SH3TC1: variants seen among roughly 807,000 people sequenced by gnomAD.
The protein encoded by SH3TC1 is SH3 domain and tetratricopeptide repeats 1.
A neutral mutation model predicts 117.3 loss-of-function variants in SH3TC1; 135 were observed. That is an observed-to-expected ratio of 1.15 (90% confidence interval 1.00 to 1.33). SH3TC1 has a LOEUF of 1.33. SH3TC1 is among the 40% of genes most tolerant of loss of function. The probability of loss-of-function intolerance (pLI) is 0.00; values close to 1 mark genes in which losing one functional copy is unlikely to be tolerated. For missense variants in SH3TC1, 2,092 were observed against 1,794.3 expected (o/e 1.17, Z -3.00); for synonymous variants, 898 against 816.9 (o/e 1.10, Z -1.69).
intron 9 of SH3TC1, among the ~76,000 whole-genome samples, chr4:8,221,853 T>G (rs983627676): frequency 3.1e-4 from 47 of 152,318 alleles, no homozygotes; most frequent in African/African-American, 9.1e-4. Context: ...ATGTCTTGCC[T>G]CCTTAATGTG....
rs3775907 is a variant in SH3TC1, at chr4:8,226,735, T to C, written c.1286-245T>C. 4.6e-5 allele frequency among the ~76,000 whole-genome samples: 7 copies of C among 152,178 alleles called. No individual in the cohort carries two copies. The East Asian group carries it at 9.6e-4, about 21-fold the overall frequency. ...AAAGGAGGACAGGAGGGTGATTTCATAGGAGAGTTGGGCCATGGGCCTGTG... is the reference window on the plus strand; with the variant it reads ...AAAGGAGGACAGGAGGGTGATTTCACAGGAGAGTTGGGCCATGGGCCTGTG... On this transcript the variant is annotated intron_variant, in intron 11 of 17. Coordinates refer to ENST00000245105, the MANE Select transcript of SH3TC1 (RefSeq NM_018986.5).
At chr4:8,238,079 T>A (rs1028204020) in intron 17 of SH3TC1, among the ~76,000 whole-genome samples, 6 of 152,140 alleles carry the variant, frequency 3.9e-5, no homozygotes, top group Admixed American at 3.3e-4. Flanking sequence ...GAATCCATGT[T>A]GCAACATCCA....
intron 13 of SH3TC1, chr4:8,232,654 T>G: frequency 2.3e-6 from 3 of 1,295,424 alleles, no homozygotes; most frequent in Non-Finnish European, 3.0e-6. Flanking sequence ...TTGGCTCTCC[T>G]GGAGCATCCT....
At chr4:8,195,339 G>C (rs368798500), upstream of SH3TC1, among the ~76,000 whole-genome samples, 74 of 152,240 alleles carry the variant, frequency 4.9e-4, no homozygotes, top group South Asian at 0.014. Context: ...ATTGAAGCCT[G>C]AGCTGGGGTT....
rs986918990 is a variant in SH3TC1 at position 8,225,359 on chromosome 4, G to T, written c.1285+143G>T. 1.1e-6 allele frequency: 1 copy of T among 902,302 alleles called. No individual in the cohort carries two copies. Among genetic ancestry groups the T allele is most frequent in the African/African-American group, 1.6e-5 (1 of 60,728 alleles). The allele number at this position is 902,302 out of a possible 1,614,324, so 55.9% of individuals were successfully genotyped here. The stretch of plus-strand genomic sequence containing the variant: ...GGTGTGGGCTGGGGGCTTGGGGGAG[G>T]TTGCCTGAGGTGGGCCTGAACCTCC... On this transcript the variant is annotated intron_variant, in intron 11 of 17. Coordinates refer to ENST00000245105, the MANE Select transcript of SH3TC1 (RefSeq NM_018986.5). This position sits in a 1 kb window ranked among gnomAD's most constrained non-coding sequence, Gnocchi z 5.5.
intron 17 of SH3TC1, 66 bp downstream of exon 17, chr4:8,237,736 C>A: frequency 6.7e-7 from 1 of 1,484,164 alleles, no homozygotes; most frequent in Non-Finnish European, 9.1e-7. Flanking sequence ...CCACCCAGAC[C>A]CCTGAGGCAT....
At chr4:8,235,396 A>C in intron 14 of SH3TC1, 37 bp from the exon 15 acceptor site, 2 of 1,440,182 alleles carry the variant, frequency 1.4e-6, no homozygotes, top group African/African-American at 2.9e-5. Context: ...CCACCTCACC[A>C]GGTGTGGGTC....
chr4:8,221,412 A>G (rs1719908412), intron 9 of SH3TC1, among the ~76,000 whole-genome samples: 1 of 151,050 alleles, frequency 6.6e-6, no homozygotes, highest in South Asian at 2.1e-4. Flanking sequence ...CGGGGTTTTC[A>G]TCTTTTATTT....
upstream of SH3TC1, among the ~76,000 whole-genome samples, chr4:8,196,266 A>G (rs1399067031): frequency 6.6e-6 from 1 of 152,162 alleles, no homozygotes; most frequent in Non-Finnish European, 1.5e-5. This position sits in a 1 kb window ranked among gnomAD's most constrained non-coding sequence, Gnocchi z 4.6. Flanking sequence ...TGACCACTCC[A>G]TGAGGTTGTG....
chr4:8,207,414 G>A (rs1324360954), intron 2 of SH3TC1, among the ~76,000 whole-genome samples: 1 of 152,162 alleles, frequency 6.6e-6, no homozygotes, highest in African/African-American at 2.4e-5. Flanking sequence ...AAGTAGCTGG[G>A]GGGACAACAC....
In SH3TC1 at chr4:8,206,512, T is replaced by G. The variant is rs1718223449; in HGVS notation, c.172+1146T>G. On this transcript the variant is annotated intron_variant, in intron 2 of 17. Coordinates refer to ENST00000245105, the MANE Select transcript of SH3TC1 (RefSeq NM_018986.5). The surrounding 1 kb of genome is among the most constrained non-coding windows in gnomAD (Gnocchi z 5.5). Reference sequence around the variant, plus strand: ...AGCTGGGAGCCTCTGGGAAGGGGAGTGGTAGGAGTTGGAAGCCTTTGCCCT... The same window carrying G: ...AGCTGGGAGCCTCTGGGAAGGGGAGGGGTAGGAGTTGGAAGCCTTTGCCCT... 6.6e-6 allele frequency among the ~76,000 whole-genome samples: 1 copy of G among 151,188 alleles called. No individual in the cohort carries two copies. The highest frequency in any genetic ancestry group is 6.6e-5 in the Admixed American group (1 of 15,196).
chr4:8,226,871 A>G, intron 11 of SH3TC1, 109 bp from the exon 12 acceptor site: 1 of 731,832 alleles, frequency 1.4e-6, no homozygotes, highest in Middle Eastern at 3.5e-4. Context: ...ATCGTCTGGA[A>G]AGTGCTGCGC....
Position 8,205,193 on chromosome 4 carries a change from T to A in SH3TC1, c.-2T>A. 6.6e-7 allele frequency: 1 copy of A among 1,523,980 alleles called. No individual in the cohort carries two copies. Among genetic ancestry groups the A allele is most frequent in the South Asian group, 1.3e-5 (1 of 79,764 alleles). 94.4% of individuals were successfully genotyped at this position (1,523,980 alleles called of 1,614,324 possible). Reference sequence around the variant, plus strand: ...GCCAGGCATGTGAGGTCTCTGCGGGTCATGGAGAACCTCCCTGCCGTGACC... The same window carrying A: ...GCCAGGCATGTGAGGTCTCTGCGGGACATGGAGAACCTCCCTGCCGTGACC... On this transcript the variant is annotated 5_prime_UTR_variant, in exon 2 of 18. Transcript: ENST00000245105. This position sits in a 1 kb window ranked among gnomAD's most constrained non-coding sequence, Gnocchi z 5.4.
intron 1 of SH3TC1, among the ~76,000 whole-genome samples, chr4:8,187,284 C>T (rs1717246668): frequency 6.6e-6 from 1 of 150,844 alleles, no homozygotes; most frequent in Admixed American, 6.6e-5. Context: ...CTGCTATCAA[C>T]AGGCTTTGTC....
At chr4:8,207,370 C>T (rs1435441077) in intron 2 of SH3TC1, among the ~76,000 whole-genome samples, 1 of 152,244 alleles carries the variant, frequency 6.6e-6, no homozygotes, top group Non-Finnish European at 1.5e-5. Flanking sequence ...GTTCTCCCCA[C>T]TGCACAGTTA....
rs892682562 is a variant in SH3TC1, at chr4:8,205,383, C to T, written c.172+17C>T. 1 of 1,536,070 alleles carries T rather than the reference C, an allele frequency of 6.5e-7. No homozygotes were observed. Among genetic ancestry groups the T allele is most frequent in the East Asian group, 2.5e-5 (1 of 40,790 alleles). ...TGAGAGGCGGTGAGTTCATTCCACC[C>T]TCACCACCCGCCCTCCATCCCACCC... On this transcript the variant is annotated intron_variant, in intron 2 of 17. Coordinates refer to ENST00000245105, the MANE Select transcript of SH3TC1 (RefSeq NM_018986.5). The surrounding 1 kb of genome is among the most constrained non-coding windows in gnomAD (Gnocchi z 5.4).
intron 1 of SH3TC1, among the ~76,000 whole-genome samples, chr4:8,200,476 A>G (rs1471848237): frequency 6.6e-6 from 1 of 152,190 alleles, no homozygotes; most frequent in Non-Finnish European, 1.5e-5. Flanking sequence ...AGCACCCTGG[A>G]TGGCCATAAT....
At position 8,217,114 on chromosome 4, in the gene SH3TC1, C is replaced by T; in HGVS notation, c.786C>T (p.Ser262=). 6.2e-7 allele frequency: 1 copy of T among 1,613,794 alleles called. No homozygotes were observed. The change falls in exon 7 of 18, where the codon TCC becomes TCT. Residue 262 remains serine, a synonymous_variant. Coordinates refer to ENST00000245105, the MANE Select transcript of SH3TC1 (RefSeq NM_018986.5). ...CTTCACCGCCGAGCCCCAGCGTGTC[C>T]TCCGAGGAGGTGGCAGTGGCGGCCG... The part of the protein sequence containing the change: ...TDSSPPSPSV[S]SEEVAVAAAP...
chr4:8,221,358 T>C (rs1233355126), intron 9 of SH3TC1, among the ~76,000 whole-genome samples: 2 of 152,254 alleles, frequency 1.3e-5, no homozygotes, highest in African/African-American at 2.4e-5. Context: ...ACTTCTCTCA[T>C]TCACTCAACA....
Sources: allele counts gnomAD v4.1 joint callset (sites outside exome capture counted in the v4.1 genomes callset), GRCh38; gene constraint gnomAD v4.1.1; non-coding constraint Gnocchi (gnomAD v3.1); transcripts MANE v1.5; gene names NCBI Gene and HGNC (gene_info 2026-07-23, HGNC 2026-07-21).